MID1: variants seen among roughly 807,000 people sequenced by gnomAD.
MID1 encodes midline 1, also known as E3 ubiquitin-protein ligase Midline-1.
Under a neutral mutation model 40.4 loss-of-function variants are expected in MID1, and 7 were observed. The ratio of observed to expected loss-of-function variants is 0.17; its 90% CI spans 0.10 to 0.33. MID1 has a LOEUF of 0.33. MID1 is among the 10% of genes least tolerant of loss of function. MID1 has a pLI of 1.00. For missense variants in MID1, 367 were observed against 558.5 expected (o/e 0.66, Z 3.46); for synonymous variants, 229 against 221.2 (o/e 1.04, Z -0.31).
At chrX:10,511,031 G>C (rs1251424259) in intron 3 of MID1, among the ~76,000 whole-genome samples, 1 of 108,992 alleles carries the variant, frequency 9.2e-6, no homozygotes, top group Non-Finnish European at 1.9e-5. Flanking sequence ...GATCACTTGA[G>C]GTCAGGAGTT....
At chrX:10,607,567 T>C (rs1399760177) in intron 1 of MID1, among the ~76,000 whole-genome samples, 1 of 112,693 alleles carries the variant, frequency 8.9e-6, no homozygotes, top group Non-Finnish European at 1.9e-5. Context: ...TGTATGTCTG[T>C]GTATATGTAT....
chrX:10,720,408 C>G (rs1254822548), intron 1 of MID1, among the ~76,000 whole-genome samples: 5 of 112,033 alleles, frequency 4.5e-5, no homozygotes, highest in Non-Finnish European at 9.4e-5. Flanking sequence ...AGACACTTCT[C>G]AAAGAAGACA....
chrX:10,774,448 A>C (rs893052476), intron 1 of MID1, among the ~76,000 whole-genome samples: 1 of 109,575 alleles, frequency 9.1e-6, no homozygotes, highest in African/African-American at 3.3e-5. Context: ...CTCTAACCTA[A>C]CTTCTTACAG....
intron 1 of MID1, among the ~76,000 whole-genome samples, chrX:10,788,292 T>C (rs942103408): frequency 8.9e-6 from 1 of 112,039 alleles, no homozygotes; most frequent in African/African-American, 3.2e-5. Context: ...CTAGTGATCT[T>C]ATCCTTAATT....
At chrX:10,817,779 C>T (rs1287596793) in intron 1 of MID1, among the ~76,000 whole-genome samples, 2 of 109,285 alleles carry the variant, frequency 1.8e-5, no homozygotes, top group Non-Finnish European at 3.8e-5. Flanking sequence ...GCCACCACGC[C>T]TGGCAATTTT....
chrX:10,538,269 G>A lies in MID1; in HGVS notation c.661-15082C>T, dbSNP rs1045449281. 6.3e-5 allele frequency among the ~76,000 whole-genome samples: 7 copies of A among 111,362 alleles called. No homozygotes were observed. In the East Asian group the frequency reaches 1.1e-3, roughly 18 times the overall value. ...ATTACAGGCATGAGCCACCATGCCC[G>A]GCCTCGATCTTTACAAAAGATATTA... On this transcript the variant is annotated intron_variant, in intron 2 of 9. Coordinates refer to ENST00000317552, the MANE Select transcript of MID1 (RefSeq NM_000381.4).
At chrX:10,681,025 CAATAATAATAATAATAATAATAAT>C (rs56941761) in intron 1 of MID1, among the ~76,000 whole-genome samples, 7 of 82,584 alleles carry the variant, frequency 8.5e-5, no homozygotes, top group South Asian at 7.1e-4. Flanking sequence ...GACCCTGTCT[CAATAATAATAATAATAATAATAAT>C]AATAATAATA....
At chrX:10,704,714 GTGTATATATA>G (rs1340398064) in intron 1 of MID1, among the ~76,000 whole-genome samples, 2 of 68,964 alleles carry the variant, frequency 2.9e-5, no homozygotes, top group African/African-American at 1.1e-4. Flanking sequence ...ATGTGTGTGT[GTGTATATATA>G]TATATATATA....
chrX:10,626,311 C>CTATTATTATTAT (rs772195870), intron 1 of MID1, among the ~76,000 whole-genome samples: 1,363 of 101,829 alleles, frequency 0.013, 15 homozygotes, highest in African/African-American at 0.027. Context: ...TCATATGAAA[C>CTATTATTATTAT]TATTATTATT....
At chrX:10,729,563 G>A (rs1216072046) in intron 1 of MID1, among the ~76,000 whole-genome samples, 5 of 111,529 alleles carry the variant, frequency 4.5e-5, no homozygotes, top group Non-Finnish European at 9.4e-5. Context: ...CATCCAGATG[G>A]TACTCGAATC....
chrX:10,547,481 G>A (rs1933728371), intron 2 of MID1, among the ~76,000 whole-genome samples: 1 of 103,956 alleles, frequency 9.6e-6, no homozygotes, highest in Non-Finnish European at 2.0e-5. Context: ...GCTGAGACAG[G>A]AGATCACTTG....
chrX:10,590,842 C>G (rs182292321), intron 1 of MID1, among the ~76,000 whole-genome samples: 1 of 111,787 alleles, frequency 8.9e-6, no homozygotes, highest in South Asian at 3.7e-4. Context: ...CTAAGGTTAT[C>G]CCTTATCCCC....
At chrX:10,521,240 AC>A (rs1932691639) in intron 3 of MID1, among the ~76,000 whole-genome samples, 1 of 110,470 alleles carries the variant, frequency 9.1e-6, no homozygotes, top group African/African-American at 3.3e-5. Flanking sequence ...CATGACCCAA[AC>A]ACCTCCCACC....
chrX:10,674,372 C>T (rs2043007709), intron 1 of MID1, among the ~76,000 whole-genome samples: 1 of 112,569 alleles, frequency 8.9e-6, no homozygotes, highest in Non-Finnish European at 1.9e-5. Context: ...ATTGTTAGAA[C>T]AGCACGAGTT....
chrX:10,786,603 T>C (rs1325227869), intron 1 of MID1, among the ~76,000 whole-genome samples: 1 of 109,861 alleles, frequency 9.1e-6, no homozygotes, highest in Non-Finnish European at 1.9e-5. Flanking sequence ...ATGAAAAAAA[T>C]GTGGCCCATA....
intron 2 of MID1, among the ~76,000 whole-genome samples, chrX:10,541,585 G>A (rs944529628): frequency 1.8e-5 from 2 of 111,184 alleles, no homozygotes; most frequent in East Asian, 5.6e-4. Flanking sequence ...ACTGAAGTAC[G>A]ATAGAGGTTT....
At chrX:10,610,008 G>GCGCC (rs777951130) in intron 1 of MID1, among the ~76,000 whole-genome samples, 26 of 111,999 alleles carry the variant, frequency 2.3e-4, no homozygotes, top group African/African-American at 8.4e-4. Flanking sequence ...GTGAGCCACC[G>GCGCC]CGCCCGGCCT....
chrX:10,639,391 A>G (rs1441578194), intron 1 of MID1, among the ~76,000 whole-genome samples: 1 of 112,123 alleles, frequency 8.9e-6, no homozygotes, highest in Non-Finnish European at 1.9e-5. Context: ...AGCCAATTTG[A>G]TCAAGTGGAA....
rs763941204 is a variant in MID1, at chrX:10,529,974, CT to C, written c.661-6788del. 1.3e-4 allele frequency among the ~76,000 whole-genome samples: 14 copies of C among 111,567 alleles called. No individual in the cohort carries two copies. In the South Asian group the frequency reaches 4.9e-3, roughly 39 times the overall value. ...TAGTTAAGACAATGTCTTCTCTCAG[CT>C]TTGCTAAACAACAGAAGTCTTCCAT... On this transcript the variant is annotated intron_variant, in intron 2 of 9. Transcript: ENST00000317552.
Sources: allele counts gnomAD v4.1 joint callset (sites outside exome capture counted in the v4.1 genomes callset), GRCh38; gene constraint gnomAD v4.1.1; transcripts MANE v1.5; gene names NCBI Gene and HGNC (gene_info 2026-07-23, HGNC 2026-07-21).